Variants in CRB1 observed in about 807,000 individuals in gnomAD.
CRB1 encodes crumbs cell polarity complex component 1.
CRB1 carries 83 observed loss-of-function variants against 120.0 expected under a neutral mutation model. That is an observed-to-expected ratio of 0.69 (90% CI 0.58 to 0.83). The LOEUF (loss-of-function observed/expected upper bound fraction) is 0.83. Ranked by LOEUF, CRB1 falls within the 40% of genes least tolerant of loss-of-function variation. CRB1 has a pLI of 0.00. For missense variants in CRB1, 1,699 were observed against 1,687.6 expected (o/e 1.01, Z -0.12); for synonymous variants, 625 against 612.5 (o/e 1.02, Z -0.30).
intron 11 of CRB1, among the ~76,000 whole-genome samples, chr1:197,457,867 C>T (rs1042382741): frequency 2.6e-5 from 4 of 152,040 alleles, no homozygotes; most frequent in Non-Finnish European, 5.9e-5. Context: ...AATTAGTTCA[C>T]AAATAAGTTG....
intron 11 of CRB1, among the ~76,000 whole-genome samples, chr1:197,473,255 T>C (rs1667057487): frequency 6.6e-6 from 1 of 152,230 alleles, no homozygotes; most frequent in South Asian, 2.1e-4. Flanking sequence ...CTGTTTCCAG[T>C]TCCCCTTCAG....
At chr1:197,263,012 TA>T in the CRB1 span, among the ~76,000 whole-genome samples, 2 of 152,314 alleles carry the variant, frequency 1.3e-5, no homozygotes, top group African/African-American at 4.8e-5. Flanking sequence ...GTATTTCTTG[TA>T]GAATGATTTA....
chr1:197,230,651 T>C, the CRB1 span, among the ~76,000 whole-genome samples: 2,176 of 152,244 alleles, frequency 0.014, 52 homozygotes, highest in African/African-American at 0.047. Flanking sequence ...TGTCTACCAG[T>C]GGTATGTGAA....
chr1:197,304,399 A>T (rs765650197), intron 1 of CRB1: 2 of 983,082 alleles, frequency 2.0e-6, no homozygotes, highest in Non-Finnish European at 2.4e-6. Context: ...TAGCAGTGGC[A>T]TGTGCTCAGG....
chr1:197,347,449 G>T lies in CRB1; in HGVS notation c.958G>T (p.Val320Phe). The T allele has an allele frequency of 1.2e-6, 2 of 1,614,114 alleles. No homozygotes were observed. Among genetic ancestry groups the T allele is most frequent in the Non-Finnish European group, 1.7e-6 (2 of 1,179,956 alleles). Residue 320 changes from valine to phenylalanine, a missense_variant, in exon 4 of 12, where the codon GTT (valine) becomes TTT (phenylalanine). Coordinates refer to ENST00000367400, the MANE Select transcript of CRB1 (RefSeq NM_201253.3). ...CAATAATGCTACATGTGAGGACAGT[G>T]TTGACAATTACACTTGTCACTGCTG... ...CHNNATCEDS[V>F]DNYTCHCWPG...
intron 5 of CRB1, among the ~76,000 whole-genome samples, chr1:197,375,739 C>T (rs1315724035): frequency 6.6e-6 from 1 of 152,164 alleles, no homozygotes; most frequent in African/African-American, 2.4e-5. Context: ...ATTCTTTATA[C>T]ATCTTGCATC....
At chr1:197,393,687 C>A (rs993880385) in intron 5 of CRB1, among the ~76,000 whole-genome samples, 2 of 152,072 alleles carry the variant, frequency 1.3e-5, no homozygotes, top group African/African-American at 4.8e-5. Context: ...ATAGACCATG[C>A]TTCACCCGAT....
rs1338901385 is a variant in CRB1 at position 197,427,435 on chromosome 1, C to T, written c.2129-19C>T. On this transcript the variant is annotated intron_variant, in intron 6 of 11. Coordinates refer to ENST00000367400, the MANE Select transcript of CRB1 (RefSeq NM_201253.3). The stretch of plus-strand genomic sequence containing the variant: ...ATGTTTCTTTTTTTTTCTCCTCCTC[C>T]TCTATTTTGACATTGAAGAGTATGT... The T allele has an allele frequency of 1.9e-6, 3 of 1,611,438 alleles. No homozygotes were observed. Among genetic ancestry groups the T allele is most frequent in the East Asian group, 2.2e-5 (1 of 44,856 alleles).
chr1:197,449,528 G>A (rs1185408642), intron 11 of CRB1, among the ~76,000 whole-genome samples: 9 of 151,938 alleles, frequency 5.9e-5, no homozygotes, highest in Admixed American at 5.2e-4. Context: ...CACCACGCCC[G>A]GCTAATTTTT....
intron 5 of CRB1, among the ~76,000 whole-genome samples, chr1:197,387,050 A>G (rs1662252377): frequency 6.6e-6 from 1 of 152,114 alleles, no homozygotes; most frequent in Non-Finnish European, 1.5e-5. Flanking sequence ...AACAGTTGAC[A>G]TCACTCCATT....
At chr1:197,212,279 G>A in the CRB1 span, among the ~76,000 whole-genome samples, 6 of 151,954 alleles carry the variant, frequency 3.9e-5, no homozygotes, top group African/African-American at 1.2e-4. Flanking sequence ...CCTTATCCAA[G>A]AGAAATAAAA....
intron 11 of CRB1, among the ~76,000 whole-genome samples, chr1:197,460,539 A>T (rs188063341): frequency 1.3e-5 from 2 of 152,282 alleles, no homozygotes; most frequent in Admixed American, 1.3e-4. Flanking sequence ...ATATTAGGCC[A>T]TAATGATCAC....
chr1:197,211,652 G>T, the CRB1 span, among the ~76,000 whole-genome samples: 4 of 152,044 alleles, frequency 2.6e-5, no homozygotes, highest in Non-Finnish European at 2.9e-5. Flanking sequence ...CACCACAAAG[G>T]GGATTAGGTT....
At chr1:197,382,937 C>T (rs1361534233) in intron 5 of CRB1, among the ~76,000 whole-genome samples, 1 of 152,160 alleles carries the variant, frequency 6.6e-6, no homozygotes, top group Non-Finnish European at 1.5e-5. Flanking sequence ...GGATGCAGAC[C>T]TGCTCCAAAT....
intron 1 of CRB1, among the ~76,000 whole-genome samples, chr1:197,278,642 A>G (rs900671151): frequency 2.0e-5 from 3 of 151,944 alleles, no homozygotes; most frequent in Non-Finnish European, 4.4e-5. Context: ...CTTGACATCA[A>G]TGGACTAAAG....
chr1:197,397,790 T>C (rs1172968394), intron 5 of CRB1, among the ~76,000 whole-genome samples: 1 of 152,166 alleles, frequency 6.6e-6, no homozygotes, highest in Non-Finnish European at 1.5e-5. Context: ...GATGGAGTGT[T>C]GCTGGGAGCT....
Position 197,384,824 on chromosome 1 carries a change from C to T in CRB1, c.1171+27811C>T, listed in dbSNP as rs191528349. On this transcript the variant is annotated intron_variant, in intron 5 of 11. Transcript: ENST00000367400. The stretch of plus-strand genomic sequence containing the variant: ...TATATTGCTCATTTGCCCTGTGTGC[C>T]GTAGTCAGTGCTTTAGAAAGATTTG... Among the ~76,000 whole-genome samples, 289 of 152,158 alleles carry T rather than the reference C, an allele frequency of 1.9e-3. 4 individuals carry two copies. Among genetic ancestry groups the T allele is most frequent in the Non-Finnish European group, 5.1e-4 (35 of 67,988 alleles).
chr1:197,366,380 A>G (rs1558085813), intron 5 of CRB1, among the ~76,000 whole-genome samples: 1 of 152,194 alleles, frequency 6.6e-6, no homozygotes. Flanking sequence ...TGCATAGTAC[A>G]TTTACTGACA....
At chr1:197,418,656 A>G (rs1664130656) in intron 5 of CRB1, among the ~76,000 whole-genome samples, 1 of 152,228 alleles carries the variant, frequency 6.6e-6, no homozygotes, top group Non-Finnish European at 1.5e-5. Flanking sequence ...TTACACAAAA[A>G]GATCACTTTG....
Sources: allele counts gnomAD v4.1 joint callset (sites outside exome capture counted in the v4.1 genomes callset), GRCh38; gene constraint gnomAD v4.1.1; transcripts MANE v1.5; gene names NCBI Gene and HGNC (gene_info 2026-07-23, HGNC 2026-07-21).